The following ATP10B variants were observed in gnomAD, a reference collection of about 807,000 sequenced individuals.
ATP10B encodes ATPase phospholipid transporting 10B (putative).
In ATP10B, 122 loss-of-function variants were observed where a neutral mutation model predicts 141.2. The observed-to-expected ratio is 0.86, with a 90% CI of 0.75 to 1.00. ATP10B has a LOEUF of 1.00. Among genes scored for constraint, ATP10B ranks in the 50% least tolerant of loss-of-function variants. ATP10B has a pLI of 0.00. For synonymous variants in ATP10B, 685 were observed against 692.0 expected, an observed-to-expected ratio of 0.99 and a Z score of 0.16; for missense variants, 1,876 against 1,825.3, an observed-to-expected ratio of 1.03 and a Z score of -0.51.
chr5:160,706,907 A>G (rs180981129), intron 3 of ATP10B, among the ~76,000 whole-genome samples: 12 of 152,292 alleles, frequency 7.9e-5, no homozygotes, highest in Admixed American at 2.6e-4. Context: ...AAAAGACTCA[A>G]TGGGTCAAAG....
intron 24 of ATP10B, among the ~76,000 whole-genome samples, chr5:160,583,347 A>G (rs1247994907): frequency 2.0e-5 from 3 of 151,788 alleles, no homozygotes; most frequent in Non-Finnish European, 4.4e-5. Flanking sequence ...TGTCTGCTGG[A>G]GTTTGCTGGA....
intron 2 of ATP10B, among the ~76,000 whole-genome samples, chr5:160,734,900 A>G (rs906208265): frequency 3.3e-5 from 5 of 151,998 alleles, no homozygotes; most frequent in Non-Finnish European, 5.9e-5. Flanking sequence ...CTGCTTGTTT[A>G]TTTATGCAAA....
intron 3 of ATP10B, among the ~76,000 whole-genome samples, chr5:160,708,401 A>C (rs1765149275): frequency 6.6e-6 from 1 of 152,180 alleles, no homozygotes; most frequent in Non-Finnish European, 1.5e-5. Context: ...TGAGTGGATA[A>C]TTAATTTCAA....
At chr5:160,693,247 G>A (rs1764171788) in intron 3 of ATP10B, among the ~76,000 whole-genome samples, 1 of 152,006 alleles carries the variant, frequency 6.6e-6, no homozygotes, top group Non-Finnish European at 1.5e-5. Context: ...GGCAAAATCT[G>A]AATATAAACT....
intron 2 of ATP10B, among the ~76,000 whole-genome samples, chr5:160,721,350 A>G (rs73314444): frequency 6.6e-6 from 1 of 152,176 alleles, no homozygotes. Context: ...CTGCCACATC[A>G]GGGCTAATGC....
At chr5:160,867,699 C>T in the ATP10B span, among the ~76,000 whole-genome samples, 32 of 152,172 alleles carry the variant, frequency 2.1e-4, no homozygotes, top group African/African-American at 7.5e-4. Context: ...AATTTCTAGC[C>T]TCAGAATTTG....
chr5:160,664,670 G>T (rs1201143098), intron 7 of ATP10B, among the ~76,000 whole-genome samples: 1 of 152,208 alleles, frequency 6.6e-6, no homozygotes, highest in African/African-American at 2.4e-5. Context: ...CAAGCTCTCA[G>T]TGATGCTTAC....
intron 2 of ATP10B, among the ~76,000 whole-genome samples, chr5:160,777,227 T>G (rs1770399451): frequency 6.6e-6 from 1 of 152,314 alleles, no homozygotes; most frequent in East Asian, 1.9e-4. Context: ...ACCCATGGCT[T>G]GTGCCAGGCC....
chr5:160,823,516 C>T (rs541692293), intron 1 of ATP10B, among the ~76,000 whole-genome samples: 24 of 152,202 alleles, frequency 1.6e-4, no homozygotes, highest in South Asian at 4.2e-4. Flanking sequence ...CAAACTTGCA[C>T]GTGCTTAAAT....
At chr5:160,838,221 A>G (rs1306396722) in intron 1 of ATP10B, among the ~76,000 whole-genome samples, 1 of 152,140 alleles carries the variant, frequency 6.6e-6, no homozygotes, top group East Asian at 1.9e-4. Flanking sequence ...CATCATACAC[A>G]TTTTACTCAT....
chr5:160,747,362 C>G (rs143057151), intron 2 of ATP10B, among the ~76,000 whole-genome samples: 1 of 152,142 alleles, frequency 6.6e-6, no homozygotes, highest in African/African-American at 2.4e-5. Context: ...AACAGCCTGG[C>G]GTGGGTTGAA....
chr5:160,731,187 A>G (rs912000178), intron 2 of ATP10B, among the ~76,000 whole-genome samples: 6 of 152,240 alleles, frequency 3.9e-5, no homozygotes, highest in African/African-American at 7.2e-5. Flanking sequence ...TAAACCCAGG[A>G]AAGCTACCAA....
chr5:160,855,792 T>G (rs1753980509), upstream of ATP10B, among the ~76,000 whole-genome samples: 1 of 151,922 alleles, frequency 6.6e-6, no homozygotes, highest in Non-Finnish European at 1.5e-5. Flanking sequence ...GATCAAGGTT[T>G]CCTTGTGTGT....
At chr5:160,586,609 T>C (rs1755914954) in intron 24 of ATP10B, among the ~76,000 whole-genome samples, 1 of 152,234 alleles carries the variant, frequency 6.6e-6, no homozygotes, top group African/African-American at 2.4e-5. Flanking sequence ...GTAAAAGCGT[T>C]CCTATTTCTC....
At chr5:160,778,675 A>AT (rs1770508460) in intron 2 of ATP10B, among the ~76,000 whole-genome samples, 1 of 146,652 alleles carries the variant, frequency 6.8e-6, no homozygotes, top group Non-Finnish European at 1.5e-5. Context: ...AAAAATATTG[A>AT]CTTTTTTAAA....
intron 2 of ATP10B, among the ~76,000 whole-genome samples, chr5:160,745,676 C>T (rs1415398158): frequency 6.6e-6 from 1 of 152,224 alleles, no homozygotes; most frequent in South Asian, 2.1e-4. Context: ...CCTGGACTGC[C>T]TGGGTTCAGA....
chr5:160,690,415 A>G (rs1764009497), intron 3 of ATP10B, among the ~76,000 whole-genome samples: 1 of 152,256 alleles, frequency 6.6e-6, no homozygotes, highest in Non-Finnish European at 1.5e-5. Context: ...CAGGGTGAAC[A>G]GGAAACCTAC....
intron 4 of ATP10B, among the ~76,000 whole-genome samples, chr5:160,688,534 T>C (rs1367132565): frequency 6.6e-6 from 1 of 152,144 alleles, no homozygotes; most frequent in Non-Finnish European, 1.5e-5. Flanking sequence ...TCAGTCCTAG[T>C]GGGGAGCTGT....
At chr5:160,774,548 G>A (rs561803427) in intron 2 of ATP10B, among the ~76,000 whole-genome samples, 2 of 152,092 alleles carry the variant, frequency 1.3e-5, no homozygotes, top group Non-Finnish European at 2.9e-5. Flanking sequence ...TGCCAGATTT[G>A]GCTCTATTAA....
Sources: gnomAD v4.1 joint callset for allele counts (sites outside exome capture counted in the v4.1 genomes callset) on GRCh38, gnomAD v4.1.1 for gene constraint, MANE v1.5 for transcripts, NCBI Gene and HGNC (gene_info 2026-07-23, HGNC 2026-07-21) for gene names.